Variants in ZC4H2 observed in about 807,000 individuals in gnomAD.
The protein encoded by ZC4H2 is zinc finger C4H2-type containing, also known as zinc finger C4H2 domain-containing protein.
For synonymous variants in ZC4H2, 84 were observed against 66.3 expected (o/e 1.27, Z -1.30); for missense variants, 137 against 173.9 (o/e 0.79, Z 1.19).
chrX:64,982,372 C>A (rs896826419), intron 1 of ZC4H2, among the ~76,000 whole-genome samples: 1 of 111,839 alleles, frequency 8.9e-6, no homozygotes. Context: ...CCCTTGTCCC[C>A]CTCACAGAGC....
chrX:64,948,490 A>G (rs759012049), intron 1 of ZC4H2, among the ~76,000 whole-genome samples: 1 of 112,096 alleles, frequency 8.9e-6, no homozygotes, highest in African/African-American at 3.2e-5. Flanking sequence ...AGCAAAGCCA[A>G]TATTTTAGGT....
At chrX:65,018,460 C>A (rs1298897807) in intron 1 of ZC4H2, among the ~76,000 whole-genome samples, 1 of 111,984 alleles carries the variant, frequency 8.9e-6, no homozygotes, top group Non-Finnish European at 1.9e-5. Flanking sequence ...CCAAGAGAAA[C>A]CGTGAGAGAC....
chrX:64,941,857 G>T (rs1375133722), intron 1 of ZC4H2, among the ~76,000 whole-genome samples: 1 of 111,354 alleles, frequency 9.0e-6, no homozygotes, highest in East Asian at 2.8e-4. Context: ...TATTGTTGTT[G>T]CTGTTGTGTC....
chrX:64,919,318 TC>T, intron 3 of ZC4H2, 114 bp from the exon 4 acceptor site: 4 of 818,033 alleles, frequency 4.9e-6, no homozygotes, highest in East Asian at 3.3e-5. Context: ...TTCTAGAAGG[TC>T]CCCACACCTT....
At chrX:64,967,611 C>CA (rs1342176392) in intron 1 of ZC4H2, among the ~76,000 whole-genome samples, 1 of 111,910 alleles carries the variant, frequency 8.9e-6, no homozygotes, top group Non-Finnish European at 1.9e-5. Flanking sequence ...CTGACTCTAT[C>CA]ACAGTGGCCC....
chrX:65,022,764 G>C (rs1188977975), intron 1 of ZC4H2, among the ~76,000 whole-genome samples: 3 of 111,789 alleles, frequency 2.7e-5, no homozygotes, highest in Non-Finnish European at 5.6e-5. Flanking sequence ...TCTTCAAGGA[G>C]AACTACAAAC....
chrX:65,012,889 T>C (rs1932769367), intron 1 of ZC4H2, among the ~76,000 whole-genome samples: 2 of 111,823 alleles, frequency 1.8e-5, no homozygotes, highest in Admixed American at 1.9e-4. Flanking sequence ...AAGAAAGAGA[T>C]AGAAATTCTA....
chrX:64,961,359 C>T (rs1931382889), intron 1 of ZC4H2, among the ~76,000 whole-genome samples: 1 of 110,967 alleles, frequency 9.0e-6, no homozygotes, highest in Non-Finnish European at 1.9e-5. Flanking sequence ...ATCTTTTCTC[C>T]CTCTTTTTCT....
intron 1 of ZC4H2, among the ~76,000 whole-genome samples, chrX:64,932,357 A>G (rs773013014): frequency 3.1e-4 from 35 of 111,297 alleles, no homozygotes; most frequent in Non-Finnish European, 6.4e-4. Context: ...GCCCATTTAC[A>G]TTCGATGTTA....
intron 1 of ZC4H2, among the ~76,000 whole-genome samples, chrX:64,944,141 C>CT (rs746540220): frequency 0.077 from 6,877 of 89,054 alleles, 898 homozygotes; most frequent in African/African-American, 0.26. Context: ...TTTCTTTTTT[C>CT]TTTTTTTTTT....
At chrX:64,977,510 T>G (rs997203977), upstream of ZC4H2, among the ~76,000 whole-genome samples, 1 of 112,115 alleles carries the variant, frequency 8.9e-6, no homozygotes, top group Non-Finnish European at 1.9e-5. Context: ...ATTAATTTAT[T>G]TATTTATGAG....
chrX:65,007,938 G>C (rs896192588), intron 1 of ZC4H2, among the ~76,000 whole-genome samples: 7 of 111,331 alleles, frequency 6.3e-5, no homozygotes, highest in African/African-American at 2.3e-4. Context: ...AAGCTCAGGT[G>C]ACCAAAACAA....
chrX:65,021,219 T>C (rs928801813), intron 1 of ZC4H2, among the ~76,000 whole-genome samples: 4 of 111,029 alleles, frequency 3.6e-5, no homozygotes, highest in African/African-American at 1.3e-4. Context: ...CGACAGAATA[T>C]ACATTTTTCT....
intron 1 of ZC4H2, among the ~76,000 whole-genome samples, chrX:64,986,997 G>A (rs1479775522): frequency 9.8e-6 from 1 of 102,153 alleles, no homozygotes; most frequent in Non-Finnish European, 1.9e-5. Flanking sequence ...GCGCGATCTA[G>A]GCAAACTGCA....
chrX:64,941,008 T>G (rs1602400289), intron 1 of ZC4H2, among the ~76,000 whole-genome samples: 1 of 112,333 alleles, frequency 8.9e-6, no homozygotes, highest in Non-Finnish European at 1.9e-5. Flanking sequence ...ATTTTCACGA[T>G]ATTGATTCTT....
intron 1 of ZC4H2, among the ~76,000 whole-genome samples, chrX:64,992,322 A>C (rs1318665055): frequency 9.0e-6 from 1 of 111,613 alleles, no homozygotes; most frequent in East Asian, 2.8e-4. Context: ...CGACAGGCTC[A>C]GATTGAACAT....
chrX:65,020,466 C>A (rs969856782), intron 1 of ZC4H2, among the ~76,000 whole-genome samples: 3 of 111,681 alleles, frequency 2.7e-5, no homozygotes, highest in Non-Finnish European at 5.6e-5. Context: ...AAATAAAATA[C>A]TTTACAGACA....
intron 1 of ZC4H2, among the ~76,000 whole-genome samples, chrX:65,027,853 G>T (rs1932895177): frequency 8.9e-6 from 1 of 111,865 alleles, no homozygotes; most frequent in Admixed American, 9.4e-5. Context: ...GGCATCTTCA[G>T]TTGTCTGAAT....
intron 1 of ZC4H2, among the ~76,000 whole-genome samples, chrX:64,974,806 G>C (rs1016178534): frequency 9.2e-6 from 1 of 108,996 alleles, no homozygotes; most frequent in African/African-American, 3.3e-5. Context: ...GCTCACAACT[G>C]GTCCTTCTCT....
Sources: allele counts gnomAD v4.1 joint callset (sites outside exome capture counted in the v4.1 genomes callset), GRCh38; gene constraint gnomAD v4.1.1; transcripts MANE v1.5; gene names NCBI Gene and HGNC (gene_info 2026-07-23, HGNC 2026-07-21).